The following RNF169 variants were observed in gnomAD, a reference collection of about 807,000 sequenced individuals.
RNF169 encodes E3 ubiquitin-protein ligase RNF169.
In RNF169, 24 loss-of-function variants were observed where a neutral mutation model predicts 53.9. The observed-to-expected ratio is 0.45, with a 90% CI of 0.32 to 0.63. RNF169 has a LOEUF of 0.63. Among genes scored for constraint, RNF169 ranks in the 20% least tolerant of loss-of-function variants. RNF169 has a pLI of 0.04. For missense variants in RNF169, 883 were observed against 906.2 expected, an observed-to-expected ratio of 0.97 and a Z score of 0.33; for synonymous variants, 396 against 363.5, an observed-to-expected ratio of 1.09 and a Z score of -1.02.
intron 1 of RNF169, among the ~76,000 whole-genome samples, chr11:74,758,003 T>G (rs1192763395): frequency 1.3e-5 from 1 of 76,848 alleles, no homozygotes; most frequent in African/African-American, 8.9e-5. Flanking sequence ...TTTAGTTTAA[T>G]TAGATCCCAT....
intron 4 of RNF169, among the ~76,000 whole-genome samples, chr11:74,827,975 C>T (rs1326995393): frequency 6.6e-6 from 1 of 152,178 alleles, no homozygotes; most frequent in Non-Finnish European, 1.5e-5. Context: ...ATTGGAAGTT[C>T]TAGCCAGGGC....
At chr11:74,777,523 C>G (rs971450904) in intron 1 of RNF169, among the ~76,000 whole-genome samples, 3 of 152,102 alleles carry the variant, frequency 2.0e-5, no homozygotes, top group Non-Finnish European at 2.9e-5. Context: ...CTGTGCTGAT[C>G]CAGTGCGGAT....
In RNF169 at chr11:74,837,435, T is replaced by A. The variant is rs2036273996; in HGVS notation, c.*705T>A. On this transcript the variant is annotated 3_prime_UTR_variant, in exon 6 of 6. Transcript: ENST00000299563. ...TGGTTCTCTCAACTACCAAGTGGCA[T>A]AACCCATGGATTTTCTAAAGGTTTC... 6.6e-6 allele frequency: 1 copy of A among 152,256 alleles called. No individual in the cohort carries two copies. The highest frequency in any genetic ancestry group is 2.4e-5 in the African/African-American group (1 of 41,462). The allele number at this position is 152,256 out of a possible 1,614,324, so 9.4% of individuals were successfully genotyped here. A position where few individuals can be genotyped will look rare whatever the true frequency, so the allele number is the denominator to read the frequency against.
chr11:74,773,100 C>G (rs1380315466), intron 1 of RNF169, among the ~76,000 whole-genome samples: 2 of 152,158 alleles, frequency 1.3e-5, no homozygotes, highest in Non-Finnish European at 2.9e-5. Context: ...AGAACTTAAA[C>G]TGAGCTTTTG....
Position 74,837,702 on chromosome 11 carries a change from T to G in RNF169, c.*972T>G, listed in dbSNP as rs574115677. The G allele has an allele frequency of 2.0e-5, 3 of 152,358 alleles. No homozygotes were observed. In the East Asian group the frequency reaches 5.8e-4, roughly 29 times the overall value. 9.4% of individuals were successfully genotyped at this position (152,358 alleles called of 1,614,324 possible). On this transcript the variant is annotated 3_prime_UTR_variant, in exon 6 of 6. Coordinates refer to ENST00000299563, the MANE Select transcript of RNF169 (RefSeq NM_001098638.2). Reference sequence around the variant, plus strand: ...TCAAATGGCCAAGGGTTATCTGCAATGTTGATCTAAAATCCTAAAAAATCA... The same window carrying G: ...TCAAATGGCCAAGGGTTATCTGCAAGGTTGATCTAAAATCCTAAAAAATCA...
At chr11:74,785,286 T>C (rs1012445019) in intron 1 of RNF169, among the ~76,000 whole-genome samples, 2 of 144,830 alleles carry the variant, frequency 1.4e-5, no homozygotes, top group Admixed American at 7.1e-5. Flanking sequence ...GATATATATA[T>C]GTTATATATA....
chr11:74,821,474 T>C (rs944313069), intron 4 of RNF169, among the ~76,000 whole-genome samples: 1 of 81,596 alleles, frequency 1.2e-5, no homozygotes, highest in East Asian at 3.1e-4. Context: ...CCGGCTAAAA[T>C]GGTGAAACCC....
chr11:74,757,609 C>T, intron 1 of RNF169, among the ~76,000 whole-genome samples: 1 of 44,606 alleles, frequency 2.2e-5, no homozygotes, highest in Non-Finnish European at 3.8e-5. Flanking sequence ...TTTACAGTCC[C>T]ACCAACAGTG....
At chr11:74,794,455 AAGT>A (rs1463002740) in intron 2 of RNF169, among the ~76,000 whole-genome samples, 1 of 152,156 alleles carries the variant, frequency 6.6e-6, no homozygotes, top group Non-Finnish European at 1.5e-5. Context: ...AAAATTGTAA[AAGT>A]AGGATTGCTA....
At chr11:74,795,267 C>T (rs867895450) in intron 2 of RNF169, among the ~76,000 whole-genome samples, 2 of 147,336 alleles carry the variant, frequency 1.4e-5, no homozygotes, top group South Asian at 2.1e-4. Context: ...TCACCCAGGC[C>T]GGAGTGCAGT....
At chr11:74,774,631 T>C (rs1443430600) in intron 1 of RNF169, among the ~76,000 whole-genome samples, 1 of 152,050 alleles carries the variant, frequency 6.6e-6, no homozygotes, top group Non-Finnish European at 1.5e-5. Context: ...GAAAAGGTCC[T>C]AATAGAGTGG....
At chr11:74,761,880 A>G (rs1463241292) in intron 1 of RNF169, among the ~76,000 whole-genome samples, 113 of 147,884 alleles carry the variant, frequency 7.6e-4, no homozygotes, top group African/African-American at 2.7e-3. Flanking sequence ...GTTCTCCTGG[A>G]TAATATCCTG....
chr11:74,776,394 C>T (rs913376724), intron 1 of RNF169, among the ~76,000 whole-genome samples: 2 of 151,624 alleles, frequency 1.3e-5, no homozygotes, highest in Admixed American at 6.6e-5. Context: ...AATAAATTCA[C>T]CTTTGCCTTA....
chr11:74,753,134 A>C (rs2034928268), intron 1 of RNF169, among the ~76,000 whole-genome samples: 1 of 151,914 alleles, frequency 6.6e-6, no homozygotes, highest in Admixed American at 6.6e-5. Context: ...ACGCCCGGCT[A>C]ATTTTGTATT....
At chr11:74,778,081 T>C (rs2035363100) in intron 1 of RNF169, among the ~76,000 whole-genome samples, 1 of 152,236 alleles carries the variant, frequency 6.6e-6, no homozygotes, top group Admixed American at 6.5e-5. Flanking sequence ...AGTGTGTGTT[T>C]GTAAGATTCA....
At position 74,810,305 on chromosome 11, in the gene RNF169, T is replaced by C; in HGVS notation, c.698T>C (p.Leu233Ser). ...MDEQKKRDEP[L>S]VLKTNLERCP... is the part of the protein sequence containing the mutation. Reference sequence around the variant, plus strand: ...GAACAGAAAAAAAGAGATGAACCATTAGTACTGAAAACAAATCTGGAACGT... The same window carrying C: ...GAACAGAAAAAAAGAGATGAACCATCAGTACTGAAAACAAATCTGGAACGT... Residue 233 changes from leucine to serine, a missense_variant, in exon 3 of 6, where the codon TTA becomes TCA. This residue lies in a region of RNF169 where 219 missense variants were observed against 289.1 expected (regional missense o/e 0.76). Coordinates refer to ENST00000299563, the MANE Select transcript of RNF169 (RefSeq NM_001098638.2). 6.2e-7 allele frequency: 1 copy of C among 1,613,564 alleles called. No homozygotes were observed. The highest frequency in any genetic ancestry group is 8.5e-7 in the Non-Finnish European group (1 of 1,179,810).
rs2035483737 is a variant in RNF169 at position 74,785,300 on chromosome 11, GAGATATATATATATGTTATATATATTAT to G, written c.503-4324_503-4297del. 6.3e-5 allele frequency among the ~76,000 whole-genome samples: 9 copies of G among 141,780 alleles called. No individual in the cohort carries two copies. The Admixed American group carries it at 6.5e-4, about 10-fold the overall frequency. 93.0% of individuals were successfully genotyped at this position (141,780 alleles called of 152,430 possible). Reference sequence around the variant, plus strand: ...AGATATATATATGTTATATATATTAGAGATATATATATATGTTATATATATTATATATAAAATTTCCCAAGGCTCCATC... The same window carrying G: ...AGATATATATATGTTATATATATTAGATATAAAATTTCCCAAGGCTCCATC... On this transcript the variant is annotated intron_variant, in intron 1 of 5. Transcript: ENST00000299563.
chr11:74,803,556 C>G (rs2035763811), intron 2 of RNF169, among the ~76,000 whole-genome samples: 1 of 152,142 alleles, frequency 6.6e-6, no homozygotes, highest in African/African-American at 2.4e-5. Flanking sequence ...GGAATATACA[C>G]TCTGGAGTAG....
Position 74,836,057 on chromosome 11 carries a change from C to T in RNF169, c.1454C>T (p.Ser485Phe), listed in dbSNP as rs138710423. The T allele has an allele frequency of 1.3e-5, 21 of 1,614,206 alleles. No individual in the cohort carries two copies. The African/African-American group carries it at 2.5e-4, about 19-fold the overall frequency. ...CTTGTGGCTGTAAATACAAGATTAT[C>T]TGGTGGGCAGGTCCTCTCTGAGTAT... is the stretch of plus-strand genomic sequence containing the variant. ...KPLVAVNTRL[S>F]GGQVLSEYTG... The change falls in exon 6 of 6, where the codon TCT (serine) becomes TTT (phenylalanine). Residue 485 changes from serine (S) to phenylalanine (F), a missense_variant. Transcript: ENST00000299563.
Sources: gnomAD v4.1 joint callset for allele counts (sites outside exome capture counted in the v4.1 genomes callset) on GRCh38, gnomAD v4.1.1 for gene constraint, gnomAD v4.1.1 regional missense constraint, MANE v1.5 for transcripts, NCBI Gene and HGNC (gene_info 2026-07-23, HGNC 2026-07-21) for gene names.